The following CUX1 variants were observed in gnomAD, a reference collection of about 807,000 sequenced individuals.
CUX1 encodes cut like homeobox 1, also known as protein CASP.
Under a neutral mutation model 158.8 loss-of-function variants are expected in CUX1, and 31 were observed. The observed-to-expected ratio is 0.20, with a 90% CI of 0.15 to 0.26. The LOEUF (loss-of-function observed/expected upper bound fraction) is 0.26, where lower values mean the gene tolerates loss of function less well. Among genes scored for constraint, CUX1 ranks in the 10% least tolerant of loss-of-function variants. CUX1 has a pLI of 1.00. For synonymous variants in CUX1, 879 were observed against 862.1 expected, an observed-to-expected ratio of 1.02 and a Z score of -0.34; for missense variants, 1,589 against 2,014.6, an observed-to-expected ratio of 0.79 and a Z score of 4.04.
intron 2 of CUX1, among the ~76,000 whole-genome samples, chr7:102,019,765 T>C (rs1433384281): frequency 6.6e-6 from 1 of 152,228 alleles, no homozygotes; most frequent in Non-Finnish European, 1.5e-5. Context: ...ACACGGAACG[T>C]GTTTTAAATG....
chr7:102,157,412 T>C (rs978121716), intron 8 of CUX1, among the ~76,000 whole-genome samples: 3 of 152,014 alleles, frequency 2.0e-5, no homozygotes, highest in Non-Finnish European at 2.9e-5. Flanking sequence ...CTTGCAGACA[T>C]TGGGGTGGTG....
intron 17 of CUX1, among the ~76,000 whole-genome samples, chr7:102,200,577 G>A (rs10236833): frequency 6.6e-6 from 1 of 152,122 alleles, no homozygotes; most frequent in South Asian, 2.1e-4. Flanking sequence ...CTGACCTCCA[G>A]TGATCCTCCC....
intron 9 of CUX1, among the ~76,000 whole-genome samples, chr7:102,167,747 A>G (rs1471833696): frequency 6.6e-6 from 1 of 152,188 alleles, no homozygotes; most frequent in African/African-American, 2.4e-5. Context: ...AAACTGGGAA[A>G]AATCTTTTTT....
In CUX1 at chr7:102,189,889, T is replaced by C; in HGVS notation, c.1076+18T>C. On this transcript the variant is annotated intron_variant, in intron 12 of 23. Transcript: ENST00000292535. ...GAGCTGAAGTAAGTACGGAGAGCCC[T>C]GTGGCCCCTCACACGCTGGGGCGCA... 3 of 1,614,054 alleles carry C rather than the reference T, an allele frequency of 1.9e-6. No homozygotes were observed. Among genetic ancestry groups the C allele is most frequent in the Non-Finnish European group, 2.5e-6 (3 of 1,179,910 alleles).
chr7:102,249,458 G>A lies in CUX1; in HGVS notation c.*416G>A, dbSNP rs1355244756. The A allele has an allele frequency of 1.0e-6, 1 of 986,086 alleles. No homozygotes were observed. The highest frequency in any genetic ancestry group is 1.2e-6 in the Non-Finnish European group (1 of 830,146). 61.1% of individuals were successfully genotyped at this position (986,086 alleles called of 1,614,324 possible). On this transcript the variant is annotated 3_prime_UTR_variant, in exon 24 of 24. Coordinates refer to ENST00000292535, the MANE Select transcript of CUX1 (RefSeq NM_181552.4). ...TCAAGGAAGAAAACGGAAATGTGTG[G>A]TCGAGCTTTTTTGTACCCTGAAGTG... is the stretch of plus-strand genomic sequence containing the variant.
At chr7:102,212,089 G>T (rs1022800902) in intron 20 of CUX1, among the ~76,000 whole-genome samples, 2 of 152,214 alleles carry the variant, frequency 1.3e-5, no homozygotes, top group African/African-American at 4.8e-5. Flanking sequence ...CCAGATGCTT[G>T]TGGGATTCAA....
chr7:102,263,598 G>A (rs1456854005), intron 14 of CUX1, among the ~76,000 whole-genome samples: 1 of 152,000 alleles, frequency 6.6e-6, no homozygotes, highest in African/African-American at 2.4e-5. Flanking sequence ...TTACAGATGT[G>A]AGCCACTGCG....
intron 21 of CUX1, among the ~76,000 whole-genome samples, chr7:102,231,171 A>C (rs1459989092): frequency 1.3e-5 from 2 of 151,736 alleles, no homozygotes; most frequent in Non-Finnish European, 2.9e-5. Context: ...CTGGGACTAC[A>C]GGCGCCCACC....
chr7:101,928,617 G>A (rs1234312269), intron 2 of CUX1, among the ~76,000 whole-genome samples: 2 of 149,916 alleles, frequency 1.3e-5, no homozygotes, highest in Non-Finnish European at 3.0e-5. Context: ...GCCCGCCTCG[G>A]CCTCCCAAAG....
chr7:102,104,430 G>A lies in CUX1; in HGVS notation c.501G>A (p.Lys167=), dbSNP rs782460418. 19 of 1,613,230 alleles carry A rather than the reference G, an allele frequency of 1.2e-5. No homozygotes were observed. In the South Asian group the frequency reaches 2.1e-4, roughly 18 times the overall value. Residue 167 remains lysine, a synonymous_variant, in exon 6 of 24, where the codon AAG becomes AAA. Coordinates refer to ENST00000292535, the MANE Select transcript of CUX1 (RefSeq NM_181552.4). ...AETIALEKEQ[K]LQNDFAEKER... ...CCATAGCTCTTGAGAAGGAACAGAA[G>A]TTACAGAATGACTTTGCAGAAAAGG...
chr7:102,022,152 C>T (rs888272565), intron 2 of CUX1, among the ~76,000 whole-genome samples: 1 of 152,134 alleles, frequency 6.6e-6, no homozygotes, highest in African/African-American at 2.4e-5. Flanking sequence ...ACGACTCCCG[C>T]TCGTACGTTA....
chr7:102,267,080 G>T (rs782140439), intron 14 of CUX1, among the ~76,000 whole-genome samples: 4 of 152,204 alleles, frequency 2.6e-5, no homozygotes, highest in Admixed American at 2.0e-4. Context: ...AGCCGGCTGG[G>T]GGGGCTCAGT....
chr7:102,195,640 G>A, intron 14 of CUX1, 37 bp downstream of exon 14: 1 of 1,558,596 alleles, frequency 6.4e-7, no homozygotes, highest in South Asian at 1.2e-5. Context: ...GCGGTGGTTG[G>A]TTCGCTTCCA....
intron 17 of CUX1, among the ~76,000 whole-genome samples, chr7:102,200,630 C>G (rs530650865): frequency 3.3e-5 from 5 of 152,212 alleles, no homozygotes; most frequent in Admixed American, 6.5e-5. Context: ...TGTGAGCCAC[C>G]GCGCCTGGCC....
chr7:101,978,807 G>C (rs535032995), intron 2 of CUX1, among the ~76,000 whole-genome samples: 2 of 152,246 alleles, frequency 1.3e-5, no homozygotes, highest in Middle Eastern at 3.4e-3. Context: ...TGCTCTTCCT[G>C]TCACACATTG....
intron 3 of CUX1, among the ~76,000 whole-genome samples, chr7:102,037,226 G>A (rs1408496961): frequency 6.6e-6 from 1 of 152,218 alleles, no homozygotes; most frequent in Non-Finnish European, 1.5e-5. Flanking sequence ...ACTAGAGTTG[G>A]AGCCCTACCT....
intron 2 of CUX1, among the ~76,000 whole-genome samples, chr7:101,989,420 A>G (rs1366694561): frequency 6.6e-6 from 1 of 152,182 alleles, no homozygotes; most frequent in Non-Finnish European, 1.5e-5. Flanking sequence ...CTGCTGGGGT[A>G]GGTTAATAAT....
In CUX1 at chr7:102,248,301, C is replaced by G; in HGVS notation, c.3888-111C>G. The G allele has an allele frequency of 9.4e-7, 1 of 1,067,690 alleles. No individual in the cohort carries two copies. The highest frequency in any genetic ancestry group is 1.3e-6 in the Non-Finnish European group (1 of 773,464). 66.1% of individuals were successfully genotyped at this position (1,067,690 alleles called of 1,614,324 possible). ...TCGCTGGAGGGGCACGGAGGGGCCT[C>G]CAGGCTGGACGGAGCAGGAGCCCCA... On this transcript the variant is annotated intron_variant, in intron 23 of 23. Coordinates refer to ENST00000292535, the MANE Select transcript of CUX1 (RefSeq NM_181552.4). This position sits in a 1 kb window ranked among gnomAD's most constrained non-coding sequence, Gnocchi z 5.8.
At chr7:102,049,204 A>C (rs563401585) in intron 3 of CUX1, among the ~76,000 whole-genome samples, 1 of 152,334 alleles carries the variant, frequency 6.6e-6, no homozygotes, top group Admixed American at 6.5e-5. Context: ...CACTCGGAGA[A>C]ATTTCCTCTG....
Sources: gnomAD v4.1 joint callset for allele counts (sites outside exome capture counted in the v4.1 genomes callset) on GRCh38, gnomAD v4.1.1 for gene constraint, Gnocchi (gnomAD v3.1) non-coding constraint, MANE v1.5 for transcripts, NCBI Gene and HGNC (gene_info 2026-07-23, HGNC 2026-07-21) for gene names.